Variants in RIOK1 observed in about 807,000 individuals in gnomAD.
RIOK1 encodes the protein serine/threonine-protein kinase RIO1.
RIOK1 carries 66 observed loss-of-function variants against 73.5 expected under a neutral mutation model. The ratio of observed to expected loss-of-function variants is 0.90; its 90% CI spans 0.74 to 1.10. The LOEUF is 1.10. Ranked by LOEUF, RIOK1 falls within the 50% of genes least tolerant of loss-of-function variation. The pLI, the probability that RIOK1 is intolerant of heterozygous loss-of-function variation, is 0.00. For missense variants in RIOK1, 658 were observed against 699.8 expected (o/e 0.94, Z 0.67); for synonymous variants, 224 against 226.8 (o/e 0.99, Z 0.11).
At chr6:7,402,946 C>T in intron 8 of RIOK1, 49 bp downstream of exon 8, 2 of 1,522,088 alleles carry the variant, frequency 1.3e-6, no homozygotes, top group Non-Finnish European at 1.8e-6. Flanking sequence ...TGTACATGAA[C>T]ATCAGCCCTT....
At chr6:7,390,201 C>T in intron 1 of RIOK1, 128 bp downstream of exon 1, 6 of 753,334 alleles carry the variant, frequency 8.0e-6, no homozygotes, top group Non-Finnish European at 1.1e-5. Flanking sequence ...CTCTTGACAA[C>T]CCTTTGCCTG....
At chr6:7,390,166 A>G in intron 1 of RIOK1, 93 bp downstream of exon 1, 2 of 1,034,048 alleles carry the variant, frequency 1.9e-6, no homozygotes, top group East Asian at 2.7e-5. Context: ...TTAGAGGGAG[A>G]CTAGTGGTTC....
chr6:7,397,737 C>T (rs1761507436), intron 4 of RIOK1, among the ~76,000 whole-genome samples: 1 of 152,216 alleles, frequency 6.6e-6, no homozygotes, highest in African/African-American at 2.4e-5. Context: ...CTGTTTGAAT[C>T]TTTGTGTTTA....
intron 12 of RIOK1, among the ~76,000 whole-genome samples, chr6:7,406,350 A>G (rs1449484014): frequency 6.6e-6 from 1 of 152,166 alleles, no homozygotes; most frequent in East Asian, 1.9e-4. Flanking sequence ...AAGACATAAT[A>G]TAAAATTTAA....
chr6:7,417,312 TTTTG>T lies in RIOK1; in HGVS notation c.1597-11_1597-8del, dbSNP rs1381504160. ...ACTCCAAATGAATGAAAGTTGGCTT[TTTTG>T]TTTGTTTTTTACAGGAAAGAAAAAA... On this transcript the variant is annotated splice_polypyrimidine_tract_variant and intron_variant, in intron 16 of 16. Transcript: ENST00000379834. 2.7e-6 allele frequency: 4 copies of T among 1,467,226 alleles called. No individual in the cohort carries two copies. The highest frequency in any genetic ancestry group is 3.7e-6 in the Non-Finnish European group (4 of 1,091,738). 90.9% of individuals were successfully genotyped at this position (1,467,226 alleles called of 1,614,324 possible).
chr6:7,414,159 G>T, intron 15 of RIOK1, 79 bp from the exon 16 acceptor site: 1 of 1,335,304 alleles, frequency 7.5e-7, no homozygotes, highest in Non-Finnish European at 1.0e-6. Flanking sequence ...TCTGAATTCT[G>T]GCATTAACAC....
intron 10 of RIOK1, 148 bp from the exon 11 acceptor site, chr6:7,404,770 G>T: frequency 3.4e-6 from 3 of 874,288 alleles, no homozygotes. Flanking sequence ...AATTTTCCCA[G>T]TTCCATCTGT....
At chr6:7,396,606 G>T in intron 3 of RIOK1, 97 bp from the exon 4 acceptor site, 1 of 659,530 alleles carries the variant, frequency 1.5e-6, no homozygotes, top group East Asian at 2.6e-5. Context: ...AGAAAGTGTA[G>T]AAGAGAAGGA....
rs1459105449 is a variant in RIOK1, at chr6:7,398,324, G to GA, written c.438-372dup. On this transcript the variant is annotated intron_variant, in intron 4 of 16. Coordinates refer to ENST00000379834, the MANE Select transcript of RIOK1 (RefSeq NM_031480.3). ...ATGCTGTCTCTTTAAAAAAAAAAAAGAAGACAAGACTTTAATTGTGTGCTA... is the reference window on the plus strand; with the variant it reads ...ATGCTGTCTCTTTAAAAAAAAAAAAGAAAGACAAGACTTTAATTGTGTGCTA... 1.1e-4 allele frequency among the ~76,000 whole-genome samples: 17 copies of GA among 151,380 alleles called. No individual in the cohort carries two copies. The East Asian group carries it at 3.1e-3, about 28-fold the overall frequency.
intron 16 of RIOK1, 93 bp from the exon 17 acceptor site, chr6:7,417,238 A>G (rs550934159): frequency 1.4e-6 from 1 of 728,828 alleles, no homozygotes; most frequent in Non-Finnish European, 2.2e-6. Flanking sequence ...CGACAGAGCA[A>G]GACCCTGTCT....
At position 7,400,856 on chromosome 6, in the gene RIOK1, G is replaced by A. The variant is rs182218910; in HGVS notation, c.481-102G>A. ...CTCTCATTTAGTCAACCAGGATAGC[G>A]TCGTACAGTTAAGCTCTGCTGTTTA... On this transcript the variant is annotated intron_variant, in intron 5 of 16. Coordinates refer to ENST00000379834, the MANE Select transcript of RIOK1 (RefSeq NM_031480.3). The A allele has an allele frequency of 3.7e-4, 252 of 674,460 alleles. 1 individual carries two copies. The highest frequency in any genetic ancestry group is 6.4e-4 in the African/African-American group (35 of 54,950). The allele number at this position is 674,460 out of a possible 1,614,324, so 41.8% of individuals were successfully genotyped here.
At chr6:7,403,022 T>C in intron 8 of RIOK1, 125 bp downstream of exon 8, 2 of 701,640 alleles carry the variant, frequency 2.9e-6, no homozygotes, top group South Asian at 4.3e-5. Flanking sequence ...TTATTTCTAT[T>C]AGGTCTGCTG....
At chr6:7,405,854 T>C (rs896977438) in intron 12 of RIOK1, among the ~76,000 whole-genome samples, 10 of 151,100 alleles carry the variant, frequency 6.6e-5, no homozygotes, top group Non-Finnish European at 2.9e-5. Flanking sequence ...TTCAATTATC[T>C]GGCAAGATTA....
At chr6:7,406,912 T>C (rs1238310565) in intron 12 of RIOK1, among the ~76,000 whole-genome samples, 1 of 152,222 alleles carries the variant, frequency 6.6e-6, no homozygotes, top group African/African-American at 2.4e-5. Flanking sequence ...CCCGCCTGCA[T>C]CGGCCTCCCG....
chr6:7,407,743 C>G (rs958428706), intron 12 of RIOK1, among the ~76,000 whole-genome samples: 2 of 152,092 alleles, frequency 1.3e-5, no homozygotes, highest in Non-Finnish European at 2.9e-5. Flanking sequence ...CTCCTTCTGT[C>G]TCGGCCTCTC....
At chr6:7,413,169 T>A (rs1431829537) in intron 15 of RIOK1, among the ~76,000 whole-genome samples, 1 of 152,230 alleles carries the variant, frequency 6.6e-6, no homozygotes, top group African/African-American at 2.4e-5. Flanking sequence ...TTATTTTTCT[T>A]TCTGTCTCTG....
At chr6:7,395,405 T>A (rs941366018) in intron 3 of RIOK1, among the ~76,000 whole-genome samples, 7 of 150,976 alleles carry the variant, frequency 4.6e-5, no homozygotes, top group African/African-American at 1.7e-4. Context: ...CCCAGCTACT[T>A]GGGAGGCTGA....
intron 16 of RIOK1, among the ~76,000 whole-genome samples, chr6:7,416,926 G>A (rs931734608): frequency 6.6e-6 from 1 of 151,916 alleles, no homozygotes; most frequent in Non-Finnish European, 1.5e-5. Context: ...TCTTCTATGT[G>A]TGTATTTTAT....
Position 7,400,367 on chromosome 6 carries a change from G to A in RIOK1, c.481-591G>A, listed in dbSNP as rs532576143. On this transcript the variant is annotated intron_variant, in intron 5 of 16. Transcript: ENST00000379834. The stretch of plus-strand genomic sequence containing the variant: ...TGTGGTCTGATTTGGTCCATGGGCC[G>A]GAGAGTGCTGACCCCTGATTTACAG... Among the ~76,000 whole-genome samples the A allele has an allele frequency of 1.1e-4, 17 of 152,238 alleles. No individual in the cohort carries two copies. In the East Asian group the frequency reaches 2.3e-3, roughly 21 times the overall value.
Sources: allele counts gnomAD v4.1 joint callset (sites outside exome capture counted in the v4.1 genomes callset), GRCh38; gene constraint gnomAD v4.1.1; transcripts MANE v1.5; gene names NCBI Gene and HGNC (gene_info 2026-07-23, HGNC 2026-07-21).